Variants in MGAT5 observed in about 807,000 individuals in gnomAD.
The protein encoded by MGAT5 is alpha-1,6-mannosylglycoprotein 6-beta-N-acetylglucosaminyltransferase, also known as alpha-1,6-mannosylglycoprotein 6-beta-N-acetylglucosaminyltransferase A.
Under a neutral mutation model 94.3 loss-of-function variants are expected in MGAT5, and 30 were observed. The ratio of observed to expected loss-of-function variants is 0.32; its 90% confidence interval spans 0.24 to 0.43. The LOEUF (loss-of-function observed/expected upper bound fraction) is 0.43, where lower values mean the gene tolerates loss of function less well. Among genes scored for constraint, MGAT5 ranks in the 20% least tolerant of loss-of-function variants. The probability of loss-of-function intolerance (pLI) is 1.00; values close to 1 mark genes in which losing one functional copy is unlikely to be tolerated. For missense variants in MGAT5, 691 were observed against 905.5 expected (o/e 0.76, Z 3.04); for synonymous variants, 310 against 322.9 (o/e 0.96, Z 0.43).
At chr2:134,354,270 A>G (rs534546461) in intron 9 of MGAT5, among the ~76,000 whole-genome samples, 5 of 152,172 alleles carry the variant, frequency 3.3e-5, no homozygotes, top group African/African-American at 1.2e-4. Flanking sequence ...TACTGATGGA[A>G]TGCACAGTTT....
chr2:134,146,392 T>TA (rs1293300889), intron 1 of MGAT5, among the ~76,000 whole-genome samples: 2 of 143,852 alleles, frequency 1.4e-5, no homozygotes, highest in Non-Finnish European at 3.1e-5. Flanking sequence ...ACCTCGTCTC[T>TA]ACAAAAAAAA....
chr2:134,433,972 T>C (rs1685028203), intron 14 of MGAT5, among the ~76,000 whole-genome samples: 1 of 152,174 alleles, frequency 6.6e-6, no homozygotes, highest in Non-Finnish European at 1.5e-5. Context: ...TCTCATGGGC[T>C]TATTAGTAAC....
chr2:134,168,043 A>G (rs1334112326), intron 1 of MGAT5, among the ~76,000 whole-genome samples: 1 of 152,232 alleles, frequency 6.6e-6, no homozygotes, highest in African/African-American at 2.4e-5. Flanking sequence ...ATCAGGCACC[A>G]CCTGCTCCTA....
intron 1 of MGAT5, among the ~76,000 whole-genome samples, chr2:134,259,298 T>G (rs1683173846): frequency 6.6e-6 from 1 of 152,204 alleles, no homozygotes; most frequent in African/African-American, 2.4e-5. Flanking sequence ...TCGGGAATTG[T>G]GTCATGGATG....
intron 1 of MGAT5, among the ~76,000 whole-genome samples, chr2:134,152,340 G>A (rs868813887): frequency 1.0e-4 from 14 of 134,340 alleles, no homozygotes; most frequent in Middle Eastern, 5.3e-3. Context: ...CCCGCCCACC[G>A]CCATGGGACC....
chr2:134,340,831 T>C (rs1017405492), intron 6 of MGAT5, among the ~76,000 whole-genome samples: 1 of 152,202 alleles, frequency 6.6e-6, no homozygotes, highest in Admixed American at 6.5e-5. Context: ...TGTACATTGT[T>C]TTCTATGAGG....
At chr2:134,294,184 C>T (rs1056881747) in intron 2 of MGAT5, among the ~76,000 whole-genome samples, 1 of 152,142 alleles carries the variant, frequency 6.6e-6, no homozygotes, top group African/African-American at 2.4e-5. Flanking sequence ...TTTTAGGCAT[C>T]ATCAGGTAAA....
At chr2:134,259,050 T>A (rs1488545631) in intron 1 of MGAT5, among the ~76,000 whole-genome samples, 1 of 152,344 alleles carries the variant, frequency 6.6e-6, no homozygotes, top group East Asian at 1.9e-4. Context: ...CTTCTGAACT[T>A]CTTTGGGATT....
At chr2:134,364,423 C>G (rs1225972458) in intron 10 of MGAT5, among the ~76,000 whole-genome samples, 2 of 152,046 alleles carry the variant, frequency 1.3e-5, no homozygotes, top group Non-Finnish European at 2.9e-5. Context: ...CCACTTGTAC[C>G]TGGGAGGCGG....
chr2:134,393,998 G>C (rs1461929017), intron 10 of MGAT5, among the ~76,000 whole-genome samples: 3 of 152,166 alleles, frequency 2.0e-5, no homozygotes, highest in African/African-American at 7.2e-5. Context: ...AGGAAGGTAA[G>C]GCCCTTGGGA....
At chr2:134,293,298 T>A (rs1685483151) in intron 2 of MGAT5, among the ~76,000 whole-genome samples, 2 of 152,284 alleles carry the variant, frequency 1.3e-5, no homozygotes, top group East Asian at 3.9e-4. Flanking sequence ...ACTAGGCTGG[T>A]TACTTGTGCT....
chr2:134,246,697 C>T (rs529275356), intron 1 of MGAT5, among the ~76,000 whole-genome samples: 22 of 152,344 alleles, frequency 1.4e-4, no homozygotes, highest in African/African-American at 5.3e-4. Flanking sequence ...CTCTTCCTTT[C>T]TGAGTTTCCG....
intron 2 of MGAT5, among the ~76,000 whole-genome samples, chr2:134,291,977 T>G (rs1685393865): frequency 6.6e-6 from 1 of 152,224 alleles, no homozygotes; most frequent in Non-Finnish European, 1.5e-5. Context: ...CGTCTCAGAT[T>G]CATTAACTCA....
At chr2:134,288,187 C>T (rs1236929431) in intron 2 of MGAT5, among the ~76,000 whole-genome samples, 1 of 152,176 alleles carries the variant, frequency 6.6e-6, no homozygotes, top group Non-Finnish European at 1.5e-5. Flanking sequence ...GTGGAGGCAC[C>T]TGAAACACTT....
intron 5 of MGAT5, among the ~76,000 whole-genome samples, chr2:134,337,818 G>T (rs1265920894): frequency 6.6e-6 from 1 of 152,072 alleles, no homozygotes; most frequent in Non-Finnish European, 1.5e-5. Context: ...TAACTCTGTG[G>T]ACAGAAAGAG....
intron 1 of MGAT5, among the ~76,000 whole-genome samples, chr2:134,151,135 C>T (rs1687148386): frequency 6.6e-6 from 1 of 152,174 alleles, no homozygotes; most frequent in Non-Finnish European, 1.5e-5. Context: ...ACATCCCACT[C>T]ACCGCCATGG....
chr2:134,356,931 C>T (rs1221543706), intron 9 of MGAT5, among the ~76,000 whole-genome samples: 1 of 152,156 alleles, frequency 6.6e-6, no homozygotes, highest in Admixed American at 6.5e-5. Flanking sequence ...ACTTTCTCCT[C>T]CCCTTCCCTG....
intron 1 of MGAT5, among the ~76,000 whole-genome samples, chr2:134,141,258 A>T (rs888761849): frequency 6.6e-6 from 1 of 152,132 alleles, no homozygotes; most frequent in Non-Finnish European, 1.5e-5. Flanking sequence ...AGCCAAATAA[A>T]CTTCTATTTT....
rs1686256947 is a variant in MGAT5 at position 134,454,331 on chromosome 2, T to TAATA, written c.*5485_*5488dup. On this transcript the variant is annotated 3_prime_UTR_variant, in exon 16 of 16. Coordinates refer to ENST00000281923, the MANE Select transcript of MGAT5 (RefSeq NM_002410.5). Reference sequence around the variant, plus strand: ...TTTGCTCATTGTCCTACCCAAGTATTAATAGCATAATAGTTGATGCCAAAG... The same window carrying TAATA: ...TTTGCTCATTGTCCTACCCAAGTATTAATAAATAGCATAATAGTTGATGCCAAAG... The TAATA allele has an allele frequency of 2.0e-5, 3 of 152,292 alleles. No homozygotes were observed. The highest frequency in any genetic ancestry group is 2.9e-5 in the Non-Finnish European group (2 of 68,018). The allele number at this position is 152,292 out of a possible 1,614,324, so 9.4% of individuals were successfully genotyped here. A position where few individuals can be genotyped will look rare whatever the true frequency, so the allele number is the denominator to read the frequency against.
Sources: gnomAD v4.1 joint callset for allele counts (sites outside exome capture counted in the v4.1 genomes callset) on GRCh38, gnomAD v4.1.1 for gene constraint, MANE v1.5 for transcripts, NCBI Gene and HGNC (gene_info 2026-07-23, HGNC 2026-07-21) for gene names.